The following KANK1 variants were observed in gnomAD, a reference collection of about 807,000 sequenced individuals.
The protein encoded by KANK1 is KN motif and ankyrin repeat domain-containing protein 1.
In KANK1, 109 loss-of-function variants were observed where a neutral mutation model predicts 106.2. The ratio of observed to expected loss-of-function variants is 1.03; its 90% CI spans 0.88 to 1.20. The LOEUF is 1.20. KANK1 is among the 50% of genes most tolerant of loss of function. The pLI is 0.00. For missense variants in KANK1, 2,399 were observed against 1,710.7 expected, an observed-to-expected ratio of 1.40 and a Z score of -7.10; for synonymous variants, 873 against 652.2, an observed-to-expected ratio of 1.34 and a Z score of -5.16.
intron 1 of KANK1, among the ~76,000 whole-genome samples, chr9:608,092 C>T (rs1829728790): frequency 7.1e-6 from 1 of 140,756 alleles, no homozygotes; most frequent in Non-Finnish European, 1.5e-5. Flanking sequence ...CTGCGGACTG[C>T]AGTGGCGCAA....
chr9:621,904 A>G (rs1337382186), intron 1 of KANK1, among the ~76,000 whole-genome samples: 7 of 152,152 alleles, frequency 4.6e-5, no homozygotes, highest in Admixed American at 4.6e-4. Context: ...ATGCTCCACC[A>G]AAGGGCTTTG....
intron 1 of KANK1, among the ~76,000 whole-genome samples, chr9:510,225 C>T (rs967710712): frequency 6.6e-6 from 1 of 152,134 alleles, no homozygotes; most frequent in East Asian, 1.9e-4. Context: ...TTAAAAATAG[C>T]ATAAATTGAA....
chr9:543,414 C>T (rs529536704), intron 1 of KANK1, among the ~76,000 whole-genome samples: 13 of 151,878 alleles, frequency 8.6e-5, no homozygotes, highest in Non-Finnish European at 1.9e-4. Flanking sequence ...AAAAAAATAG[C>T]TGTGCATGGT....
chr9:684,271 C>T (rs1026578824), intron 2 of KANK1: 5 of 985,282 alleles, frequency 5.1e-6, no homozygotes, highest in Non-Finnish European at 6.0e-6. Flanking sequence ...GATTTATCTT[C>T]CAGTGAGTAC....
chr9:661,187 C>T (rs557843684), intron 1 of KANK1, among the ~76,000 whole-genome samples: 7 of 152,080 alleles, frequency 4.6e-5, no homozygotes, highest in Non-Finnish European at 8.8e-5. Flanking sequence ...AGGCTTGTTA[C>T]GTATGCATAC....
At chr9:697,796 A>C (rs1296117994) in intron 2 of KANK1, among the ~76,000 whole-genome samples, 1 of 152,174 alleles carries the variant, frequency 6.6e-6, no homozygotes, top group Non-Finnish European at 1.5e-5. Flanking sequence ...TGGGGGTTCA[A>C]AAGAGTTTGA....
intron 1 of KANK1, among the ~76,000 whole-genome samples, chr9:639,883 G>C (rs550669604): frequency 6.6e-6 from 1 of 152,266 alleles, no homozygotes; most frequent in African/African-American, 2.4e-5. Flanking sequence ...ATGGGCAAAA[G>C]AGCTAACAAG....
intron 1 of KANK1, among the ~76,000 whole-genome samples, chr9:561,273 C>A (rs72689633): frequency 0.01 from 1,551 of 152,272 alleles, 35 homozygotes; most frequent in African/African-American, 0.035. Context: ...TGTAAACACA[C>A]ATAAAATGGA....
Position 738,428 on chromosome 9 carries a change from C to G in KANK1, c.3477C>G (p.Asp1159Glu), listed in dbSNP as rs114580973. ...TCCGCTATGTCATCAACTTGGCAGA[C>G]GGCAACGGCAACACAGCCCTCCATT... ...DVLRYVINLADGNGNTALHYS... is the reference protein window; with the variant it reads ...DVLRYVINLAEGNGNTALHYS... Residue 1159 changes from aspartate (D) to glutamate (E), a missense_variant, in exon 8 of 12, where the codon GAC becomes GAG. Asp to Glu is a conservative substitution (Grantham distance 45). Coordinates refer to ENST00000382297, the MANE Select transcript of KANK1 (RefSeq NM_015158.5). The G allele has an allele frequency of 8.1e-6, 13 of 1,614,042 alleles. No homozygotes were observed. The African/African-American group carries it at 1.7e-4, about 22-fold the overall frequency.
intron 1 of KANK1, among the ~76,000 whole-genome samples, chr9:670,867 G>C (rs1289579724): frequency 3.3e-5 from 5 of 149,592 alleles, no homozygotes; most frequent in Non-Finnish European, 7.4e-5. Flanking sequence ...GTTGGGGGAA[G>C]TTTTACATGT....
intron 1 of KANK1, among the ~76,000 whole-genome samples, chr9:637,786 T>A (rs1837492874): frequency 6.6e-6 from 1 of 151,972 alleles, no homozygotes; most frequent in Non-Finnish European, 1.5e-5. Context: ...CATGTGAGAC[T>A]ACCAATGTCA....
intron 3 of KANK1, among the ~76,000 whole-genome samples, chr9:724,270 G>T (rs1457737127): frequency 6.6e-6 from 1 of 152,130 alleles, no homozygotes; most frequent in African/African-American, 2.4e-5. Context: ...ATCTCTAGCT[G>T]TTGCTTCAAA....
At chr9:622,384 A>G (rs1833352189) in intron 1 of KANK1, among the ~76,000 whole-genome samples, 1 of 152,148 alleles carries the variant, frequency 6.6e-6, no homozygotes, top group African/African-American at 2.4e-5. Context: ...CTTAAAATCC[A>G]GTGGGAGTAA....
chr9:574,144 A>G (rs1019358426), intron 1 of KANK1, among the ~76,000 whole-genome samples: 2 of 152,228 alleles, frequency 1.3e-5, no homozygotes, highest in East Asian at 1.9e-4. Context: ...TCTGCCGCAC[A>G]TGTTTGAAAA....
At chr9:607,212 G>C (rs1031938477) in intron 1 of KANK1, among the ~76,000 whole-genome samples, 3 of 151,786 alleles carry the variant, frequency 2.0e-5, no homozygotes, top group Non-Finnish European at 2.9e-5. Flanking sequence ...TTAGCAAGGG[G>C]CAGTGACTTA....
At chr9:509,542 T>C (rs1395616130) in intron 1 of KANK1, among the ~76,000 whole-genome samples, 1 of 152,244 alleles carries the variant, frequency 6.6e-6, no homozygotes, top group African/African-American at 2.4e-5. Context: ...TAATATTGCT[T>C]CAGTCTCTGA....
At chr9:473,087 G>C (rs1379777491) in intron 2 of KANK1, 1 of 152,226 alleles carries the variant, frequency 6.6e-6, no homozygotes, top group Non-Finnish European at 1.5e-5. Context: ...TGAAGAATAA[G>C]AGTTTGCAGT....
At chr9:737,925 G>A (rs1188327817) in intron 7 of KANK1, among the ~76,000 whole-genome samples, 2 of 152,164 alleles carry the variant, frequency 1.3e-5, no homozygotes, top group Non-Finnish European at 2.9e-5. Flanking sequence ...AACTATGAAA[G>A]CATGGTATTA....
intron 1 of KANK1, among the ~76,000 whole-genome samples, chr9:638,335 G>A (rs1837617854): frequency 6.6e-6 from 1 of 152,184 alleles, no homozygotes; most frequent in Admixed American, 6.5e-5. Context: ...TGCTGAGCTG[G>A]AGTGTCACTT....
Sources: allele counts gnomAD v4.1 joint callset (sites outside exome capture counted in the v4.1 genomes callset), GRCh38; gene constraint gnomAD v4.1.1; transcripts MANE v1.5; gene names NCBI Gene and HGNC (gene_info 2026-07-23, HGNC 2026-07-21).